NPHP1: variants seen among roughly 807,000 people sequenced by gnomAD.
NPHP1 encodes the protein nephrocystin 1.
Under a neutral mutation model 90.4 loss-of-function variants are expected in NPHP1, and 70 were observed. The ratio of observed to expected loss-of-function variants is 0.77; its 90% confidence interval spans 0.64 to 0.95. The LOEUF (loss-of-function observed/expected upper bound fraction) is 0.95. Among genes scored for constraint, NPHP1 ranks in the 40% least tolerant of loss-of-function variants. The pLI is 0.00. For synonymous variants in NPHP1, 256 were observed against 271.7 expected, an observed-to-expected ratio of 0.94 and a Z score of 0.57; for missense variants, 764 against 795.9, an observed-to-expected ratio of 0.96 and a Z score of 0.48.
intron 16 of NPHP1, among the ~76,000 whole-genome samples, chr2:110,138,520 C>T (rs1680384551): frequency 6.6e-6 from 1 of 151,962 alleles, no homozygotes; most frequent in Non-Finnish European, 1.5e-5. Context: ...TACATTTGAC[C>T]TACATTTTAA....
intron 12 of NPHP1, among the ~76,000 whole-genome samples, chr2:110,149,832 C>G (rs963155867): frequency 6.6e-6 from 1 of 152,200 alleles, no homozygotes; most frequent in African/African-American, 2.4e-5. Flanking sequence ...AGCAGTCCCT[C>G]AGGCGTCATC....
intron 11 of NPHP1, among the ~76,000 whole-genome samples, chr2:110,155,493 C>T (rs897464103): frequency 3.9e-5 from 6 of 152,168 alleles, no homozygotes; most frequent in African/African-American, 1.2e-4. Flanking sequence ...GCTGCAGACA[C>T]TCAGTGCCAG....
intron 10 of NPHP1, 70 bp downstream of exon 10, chr2:110,161,530 ATGT>A: frequency 1.0e-6 from 1 of 968,600 alleles, no homozygotes; most frequent in South Asian, 1.4e-5. Context: ...GTCAATTAAC[ATGT>A]TGTTTGTCTA....
intron 11 of NPHP1, among the ~76,000 whole-genome samples, chr2:110,151,356 T>C (rs1468381762): frequency 6.6e-6 from 1 of 152,034 alleles, no homozygotes; most frequent in Non-Finnish European, 1.5e-5. Context: ...AAGAAGTTCA[T>C]CATAAAACTT....
chr2:110,154,017 A>T (rs1218629815), intron 11 of NPHP1, among the ~76,000 whole-genome samples: 1 of 151,838 alleles, frequency 6.6e-6, no homozygotes, highest in East Asian at 1.9e-4. Flanking sequence ...ACACACAGGA[A>T]GTGATAGGTT....
At chr2:110,184,500 G>A (rs1684142845) in intron 2 of NPHP1, 2 of 1,033,324 alleles carry the variant, frequency 1.9e-6, no homozygotes, top group Non-Finnish European at 2.9e-6. Flanking sequence ...CAGCCTTTAT[G>A]CCACAGGCAG....
At chr2:110,179,176 T>C (rs1185250439) in intron 3 of NPHP1, among the ~76,000 whole-genome samples, 5 of 151,458 alleles carry the variant, frequency 3.3e-5, no homozygotes, top group Non-Finnish European at 5.9e-5. Context: ...CCTGAAGGGA[T>C]TGTCAAGGTT....
intron 2 of NPHP1, among the ~76,000 whole-genome samples, chr2:110,188,465 G>C (rs1455081832): frequency 6.6e-6 from 1 of 151,784 alleles, no homozygotes; most frequent in Non-Finnish European, 1.5e-5. Context: ...GAAAGTGAGA[G>C]GGACCTTCTC....
chr2:110,144,235 T>A (rs1206857054), intron 15 of NPHP1: 1 of 484,384 alleles, frequency 2.1e-6, no homozygotes, highest in Admixed American at 3.4e-5. Context: ...CAAGTATCAG[T>A]TCAGTGGTCA....
chr2:110,126,013 AG>A (rs1293944310), intron 18 of NPHP1: 1 of 344,650 alleles, frequency 2.9e-6, no homozygotes, highest in Non-Finnish European at 5.4e-6. Context: ...AAGCTTTCCA[AG>A]TAAGACAGTA....
At chr2:110,124,929 A>AATG in intron 19 of NPHP1, 1 of 301,186 alleles carries the variant, frequency 3.3e-6, no homozygotes, top group Non-Finnish European at 6.1e-6. Flanking sequence ...CCTTGTAGAT[A>AATG]ATGAATACTT....
chr2:110,194,854 T>A (rs1054736772), intron 2 of NPHP1, among the ~76,000 whole-genome samples: 1 of 152,128 alleles, frequency 6.6e-6, no homozygotes, highest in Non-Finnish European at 1.5e-5. Context: ...TGGTTCAACA[T>A]ACGCAAGTCA....
chr2:110,145,340 G>C (rs1183004339), intron 14 of NPHP1, among the ~76,000 whole-genome samples: 2 of 152,142 alleles, frequency 1.3e-5, no homozygotes, highest in Non-Finnish European at 2.9e-5. Flanking sequence ...ACCCAGGCTA[G>C]AGCGCAGTGG....
intron 4 of NPHP1, among the ~76,000 whole-genome samples, chr2:110,170,960 C>T (rs1051536134): frequency 3.3e-5 from 5 of 152,042 alleles, no homozygotes; most frequent in Non-Finnish European, 7.4e-5. Context: ...CCCAGGTGAG[C>T]TTTACCTTTA....
intron 6 of NPHP1, 74 bp downstream of exon 6, chr2:110,168,378 A>C (rs1682858063): frequency 1.1e-6 from 1 of 947,350 alleles, no homozygotes; most frequent in African/African-American, 1.6e-5. Flanking sequence ...CTGACAAAAG[A>C]ACACAGCTAA....
In NPHP1 at chr2:110,147,849, T is replaced by C. The variant is rs796707325; in HGVS notation, c.1269+67A>G. 3.4e-5 allele frequency: 31 copies of C among 913,492 alleles called. No homozygotes were observed. In the African/African-American group the frequency reaches 4.1e-4, roughly 12 times the overall value. 56.6% of individuals were successfully genotyped at this position (913,492 alleles called of 1,614,324 possible). On this transcript the variant is annotated intron_variant, in intron 13 of 19. Coordinates refer to ENST00000445609, the MANE Select transcript of NPHP1 (RefSeq NM_001128178.3). ...AAGACTTCAAGGATTTCCTTGTCAA[T>C]AGACACATTTTTTAACCTTCCCTTT...
At chr2:110,145,922 A>G (rs776647994) in intron 14 of NPHP1, among the ~76,000 whole-genome samples, 6 of 152,202 alleles carry the variant, frequency 3.9e-5, no homozygotes, top group Non-Finnish European at 5.9e-5. Context: ...ACCTCTGCCA[A>G]TGTGGCAGGA....
Position 110,168,291 on chromosome 2 carries a change from A to G in NPHP1, c.624+161T>C, listed in dbSNP as rs570585671. Among the ~76,000 whole-genome samples, 5 of 152,296 alleles carry G rather than the reference A, an allele frequency of 3.3e-5. No individual in the cohort carries two copies. In the East Asian group the frequency reaches 7.7e-4, roughly 24 times the overall value. ...CACTTCACAGGTCCCCAGGACCATTAATACACAATGTTTTTCCCAGGTCCT... is the reference window on the plus strand; with the variant it reads ...CACTTCACAGGTCCCCAGGACCATTGATACACAATGTTTTTCCCAGGTCCT... On this transcript the variant is annotated intron_variant, in intron 6 of 19. Coordinates refer to ENST00000445609, the MANE Select transcript of NPHP1 (RefSeq NM_001128178.3).
intron 16 of NPHP1, among the ~76,000 whole-genome samples, chr2:110,135,208 T>C (rs1489810922): frequency 6.6e-6 from 1 of 151,706 alleles, no homozygotes; most frequent in Non-Finnish European, 1.5e-5. Context: ...AGTCAGAAAT[T>C]TAAAAATATA....
Sources: allele counts gnomAD v4.1 joint callset (sites outside exome capture counted in the v4.1 genomes callset), GRCh38; gene constraint gnomAD v4.1.1; transcripts MANE v1.5; gene names NCBI Gene and HGNC (gene_info 2026-07-23, HGNC 2026-07-21).